COMMD1: variants seen among roughly 807,000 people sequenced by gnomAD.
COMMD1 encodes the protein COMM domain-containing protein 1.
COMMD1 carries 10 observed loss-of-function variants against 17.2 expected under a neutral mutation model. The ratio of observed to expected loss-of-function variants is 0.58; its 90% CI spans 0.36 to 0.99. The LOEUF (loss-of-function observed/expected upper bound fraction) is 0.99, where lower values mean the gene tolerates loss of function less well. Among genes scored for constraint, COMMD1 ranks in the 50% least tolerant of loss-of-function variants. The pLI, the probability that COMMD1 is intolerant of heterozygous loss-of-function variation, is 0.01. For synonymous variants in COMMD1, 97 were observed against 91.6 expected (o/e 1.06, Z -0.34); for missense variants, 270 against 231.8 (o/e 1.17, Z -1.07).
chr2:61,967,269 AATT>A (rs1356938089), intron 1 of COMMD1, among the ~76,000 whole-genome samples: 1 of 152,234 alleles, frequency 6.6e-6, no homozygotes, highest in Non-Finnish European at 1.5e-5. Flanking sequence ...AAAAATGTTC[AATT>A]CCTCACCAAA....
chr2:62,063,932 A>G (rs901372479), intron 2 of COMMD1, among the ~76,000 whole-genome samples: 143 of 136,386 alleles, frequency 1.0e-3, no homozygotes, highest in African/African-American at 3.7e-3. Context: ...CTGTAATCCT[A>G]GCTACTCAGG....
chr2:62,057,279 C>T (rs1670732281), intron 2 of COMMD1, among the ~76,000 whole-genome samples: 1 of 152,144 alleles, frequency 6.6e-6, no homozygotes, highest in Admixed American at 6.5e-5. Context: ...GGACCACTGA[C>T]CTGGATTATG....
intron 1 of COMMD1, among the ~76,000 whole-genome samples, chr2:61,895,710 C>T (rs1669536547): frequency 6.6e-6 from 1 of 152,164 alleles, no homozygotes; most frequent in South Asian, 2.1e-4. Context: ...GACTTGGTTC[C>T]AGCCCCTCTT....
In COMMD1 at chr2:61,990,172, T is replaced by C. The variant is rs1217452053; in HGVS notation, c.181-10529T>C. Among the ~76,000 whole-genome samples the C allele has an allele frequency of 2.6e-5, 4 of 152,104 alleles. No homozygotes were observed. In the East Asian group the frequency reaches 7.7e-4, roughly 29 times the overall value. On this transcript the variant is annotated intron_variant, in intron 1 of 2. Coordinates refer to ENST00000311832, the MANE Select transcript of COMMD1 (RefSeq NM_152516.4). ...AGAGCTAAAAGGAGCTCAAAAGCAA[T>C]GGTAGGAAGAACAAATGATTGGAAG...
chr2:62,096,354 T>G (rs972916901), intron 2 of COMMD1, among the ~76,000 whole-genome samples: 13 of 152,232 alleles, frequency 8.5e-5, no homozygotes. Flanking sequence ...TTTCACTACA[T>G]TTTAGAATGA....
intron 2 of COMMD1, among the ~76,000 whole-genome samples, chr2:62,117,316 A>T (rs1672635544): frequency 6.6e-6 from 1 of 152,222 alleles, no homozygotes; most frequent in Non-Finnish European, 1.5e-5. Flanking sequence ...TAGGCTACTT[A>T]AGGTTGACTC....
chr2:62,058,171 TGAAAA>T (rs1670760986), intron 2 of COMMD1, among the ~76,000 whole-genome samples: 1 of 152,332 alleles, frequency 6.6e-6, no homozygotes, highest in East Asian at 1.9e-4. Context: ...CATGCACACT[TGAAAA>T]GAATATATTT....
intron 1 of COMMD1, among the ~76,000 whole-genome samples, chr2:61,930,324 G>A (rs1006090157): frequency 9.2e-5 from 14 of 152,218 alleles, no homozygotes; most frequent in East Asian, 5.8e-4. Context: ...TTGGGAGGCC[G>A]AGGCAGGCGG....
chr2:62,122,027 G>A lies in COMMD1; in HGVS notation c.463-13804G>A, dbSNP rs369183280. On this transcript the variant is annotated intron_variant, in intron 2 of 2. Coordinates refer to ENST00000311832, the MANE Select transcript of COMMD1 (RefSeq NM_152516.4). Reference sequence around the variant, plus strand: ...GCTGGTCTCAAACTCCTGGGCTCAAGTGATCCGCCTACATAGGCCTCCCAA... The same window carrying A: ...GCTGGTCTCAAACTCCTGGGCTCAAATGATCCGCCTACATAGGCCTCCCAA... Among the ~76,000 whole-genome samples, 9 of 152,296 alleles carry A rather than the reference G, an allele frequency of 5.9e-5. No homozygotes were observed. The East Asian group carries it at 1.5e-3, about 26-fold the overall frequency.
At chr2:61,960,392 G>A (rs942017767) in intron 1 of COMMD1, among the ~76,000 whole-genome samples, 8 of 152,070 alleles carry the variant, frequency 5.3e-5, no homozygotes, top group African/African-American at 7.2e-5. Context: ...ACTAACCTTC[G>A]AGTACAAGGT....
At chr2:61,950,211 C>A (rs185969288) in intron 1 of COMMD1, among the ~76,000 whole-genome samples, 9 of 152,108 alleles carry the variant, frequency 5.9e-5, no homozygotes, top group African/African-American at 2.2e-4. Flanking sequence ...TTTTCACTGG[C>A]TGGGTCATAG....
intron 1 of COMMD1, among the ~76,000 whole-genome samples, chr2:61,912,713 G>C (rs1461250832): frequency 7.0e-6 from 1 of 142,868 alleles, no homozygotes; most frequent in East Asian, 2.0e-4. Context: ...CCAGCCTGGC[G>C]ACAGAGCAAG....
chr2:61,987,062 ATCTGAAAGATTCTGAATTCCT>A (rs761863337), intron 1 of COMMD1, among the ~76,000 whole-genome samples: 2 of 152,148 alleles, frequency 1.3e-5, no homozygotes, highest in Non-Finnish European at 2.9e-5. Context: ...TGTTAAATTC[ATCTGAAAGATTCTGAATTCCT>A]TCTCTATGTT....
chr2:61,996,684 A>G (rs748810984), intron 1 of COMMD1, among the ~76,000 whole-genome samples: 4 of 152,218 alleles, frequency 2.6e-5, no homozygotes, highest in Non-Finnish European at 4.4e-5. Context: ...CTAGATACCA[A>G]GAAACCACTT....
chr2:62,037,069 T>C (rs1670059230), intron 2 of COMMD1, among the ~76,000 whole-genome samples: 2 of 152,234 alleles, frequency 1.3e-5, no homozygotes, highest in Non-Finnish European at 1.5e-5. Context: ...CAGTGTATGC[T>C]CTTTACCATT....
At chr2:61,915,591 A>G (rs750590023) in intron 1 of COMMD1, 19 of 377,088 alleles carry the variant, frequency 5.0e-5, no homozygotes, top group Admixed American at 2.3e-4. Context: ...TTGGGCTCCA[A>G]TGATCCTCCC....
intron 1 of COMMD1, among the ~76,000 whole-genome samples, chr2:61,890,542 A>G (rs1669403300): frequency 6.6e-6 from 1 of 152,060 alleles, no homozygotes; most frequent in African/African-American, 2.4e-5. Flanking sequence ...ACACACATTT[A>G]GCATATTAGC....
chr2:62,088,409 T>G (rs540598220), intron 2 of COMMD1, among the ~76,000 whole-genome samples: 1 of 152,340 alleles, frequency 6.6e-6, no homozygotes, highest in East Asian at 1.9e-4. Context: ...CACTTTCAGC[T>G]CAATATGACA....
At chr2:62,133,540 A>T (rs1403840419) in intron 2 of COMMD1, among the ~76,000 whole-genome samples, 1 of 151,938 alleles carries the variant, frequency 6.6e-6, no homozygotes, top group Non-Finnish European at 1.5e-5. Flanking sequence ...TATGCACACA[A>T]GCTTAACAGA....
Sources: gnomAD v4.1 joint callset for allele counts (sites outside exome capture counted in the v4.1 genomes callset) on GRCh38, gnomAD v4.1.1 for gene constraint, MANE v1.5 for transcripts, NCBI Gene and HGNC (gene_info 2026-07-23, HGNC 2026-07-21) for gene names.